VCP: variants seen among roughly 807,000 people sequenced by gnomAD.
VCP encodes the protein transitional endoplasmic reticulum ATPase.
In VCP, 6 loss-of-function variants were observed where a neutral mutation model predicts 85.7. The ratio of observed to expected loss-of-function variants is 0.07; its 90% CI spans 0.04 to 0.14. VCP has a LOEUF of 0.14. VCP is among the 10% of genes least tolerant of loss of function. VCP has a pLI of 1.00. For missense variants in VCP, 353 were observed against 1,043.4 expected (o/e 0.34, Z 9.12); for synonymous variants, 384 against 367.1 (o/e 1.05, Z -0.53).
intron 6 of VCP, 57 bp downstream of exon 6, chr9:35,064,097 G>A (rs1475834281): frequency 2.8e-5 from 45 of 1,611,070 alleles, no homozygotes; most frequent in Non-Finnish European, 3.7e-5. Flanking sequence ...TAGACATTGG[G>A]ACAGGATTAG....
Position 35,059,821 on chromosome 9 carries a change from A to C in VCP, c.1696-20T>G, listed in dbSNP as rs1284105390. 3 of 1,614,092 alleles carry C rather than the reference A, an allele frequency of 1.9e-6. No homozygotes were observed. The highest frequency in any genetic ancestry group is 1.7e-5 in the Admixed American group (1 of 60,014). On this transcript the variant is annotated intron_variant, in intron 13 of 16. Coordinates refer to ENST00000358901, the MANE Select transcript of VCP (RefSeq NM_007126.5). The surrounding 1 kb of genome is among the most constrained non-coding windows in gnomAD (Gnocchi z 4.9). ...GCGGGCCTGTAGGAGGAATGGATTG[A>C]TTCAAGCACTAACAAAACTAGATGT... is the stretch of plus-strand genomic sequence containing the variant.
In VCP at chr9:35,063,084, TG is replaced by T; in HGVS notation, c.709-5del. The T allele has an allele frequency of 3.1e-6, 5 of 1,613,998 alleles. No individual in the cohort carries two copies. The highest frequency in any genetic ancestry group is 2.5e-6 in the Non-Finnish European group (3 of 1,179,950). On this transcript the variant is annotated splice_polypyrimidine_tract_variant and splice_region_variant and intron_variant, in intron 6 of 16. Coordinates refer to ENST00000358901, the MANE Select transcript of VCP (RefSeq NM_007126.5). ...AAAGCAGGATTCCTCTAGGAGGCTG[TG>T]GACCAATGCAGAGTGTGATTAGGTT...
chr9:35,059,944 GCAA>G lies in VCP; in HGVS notation c.1696-146_1696-144del. 1 of 1,003,538 alleles carries G rather than the reference GCAA, an allele frequency of 1.0e-6. No individual in the cohort carries two copies. Among genetic ancestry groups the G allele is most frequent in the Non-Finnish European group, 1.5e-6 (1 of 667,244 alleles). The allele number at this position is 1,003,538 out of a possible 1,614,324, so 62.2% of individuals were successfully genotyped here. On this transcript the variant is annotated intron_variant, in intron 13 of 16. Transcript: ENST00000358901. This position sits in a 1 kb window ranked among gnomAD's most constrained non-coding sequence, Gnocchi z 4.9. ...GGCCAGAAATCCGAAACCAGCATGGGCAACATACTGAGACTTTGTCTCTACAAA... is the reference window on the plus strand; with the variant it reads ...GGCCAGAAATCCGAAACCAGCATGGGCATACTGAGACTTTGTCTCTACAAA...
At chr9:35,064,411 C>G in intron 5 of VCP, 126 bp from the exon 6 acceptor site, 2 of 1,260,912 alleles carry the variant, frequency 1.6e-6, no homozygotes, top group Non-Finnish European at 2.2e-6. Context: ...CTCAACCCGG[C>G]ATGGTGGCTC....
intron 9 of VCP, 122 bp downstream of exon 9, chr9:35,061,881 T>C: frequency 1.3e-6 from 2 of 1,563,202 alleles, no homozygotes; most frequent in Non-Finnish European, 1.7e-6. Flanking sequence ...GGACGTAGGG[T>C]AAAGGAAAAA....
intron 4 of VCP, among the ~76,000 whole-genome samples, chr9:35,065,713 C>T (rs1348025411): frequency 6.6e-6 from 1 of 152,058 alleles, no homozygotes; most frequent in African/African-American, 2.4e-5. Flanking sequence ...CCTGACCCAG[C>T]CAAAATGGAC....
intron 1 of VCP, chr9:35,071,909 C>T: frequency 1.0e-6 from 1 of 1,003,086 alleles, no homozygotes; most frequent in Non-Finnish European, 1.2e-6. Flanking sequence ...GCTGGGGCCT[C>T]GGGCTCGCGG....
chr9:35,068,530 A>G (rs1292506101), intron 1 of VCP, among the ~76,000 whole-genome samples, 168 bp from the exon 2 acceptor site: 3 of 152,226 alleles, frequency 2.0e-5, no homozygotes, highest in African/African-American at 7.2e-5. Context: ...TCTACCATAC[A>G]TATTACAATA....
chr9:35,062,486 T>A (rs1365333107), intron 7 of VCP, 136 bp from the exon 8 acceptor site: 2 of 1,361,544 alleles, frequency 1.5e-6, no homozygotes, highest in African/African-American at 1.4e-5. Context: ...ACTTCTCACA[T>A]CCTCTACCAG....
chr9:35,068,916 T>C (rs947521257), intron 1 of VCP, among the ~76,000 whole-genome samples: 1 of 152,176 alleles, frequency 6.6e-6, no homozygotes, highest in East Asian at 1.9e-4. Flanking sequence ...ACCTGGCACA[T>C]GGTATTAATG....
At position 35,059,257 on chromosome 9, in the gene VCP, C is replaced by T; in HGVS notation, c.2005-38G>A. The T allele has an allele frequency of 6.2e-7, 1 of 1,613,390 alleles. No individual in the cohort carries two copies. Among genetic ancestry groups the T allele is most frequent in the Non-Finnish European group, 8.5e-7 (1 of 1,179,706 alleles). ...GCAGAGGTACCTTAGCATTTAGCCT[C>T]TCCTCTCGAGATACGCAGATCTTTG... On this transcript the variant is annotated intron_variant, in intron 14 of 16. Coordinates refer to ENST00000358901, the MANE Select transcript of VCP (RefSeq NM_007126.5). This position sits in a 1 kb window ranked among gnomAD's most constrained non-coding sequence, Gnocchi z 4.9.
At chr9:35,061,809 G>C in intron 9 of VCP, 120 bp from the exon 10 acceptor site, 2 of 1,395,818 alleles carry the variant, frequency 1.4e-6, no homozygotes, top group Non-Finnish European at 2.0e-6. Flanking sequence ...CACTAAAAAA[G>C]TCTCAAGCTC....
At chr9:35,072,062 A>G in intron 1 of VCP, 1 of 1,266,440 alleles carries the variant, frequency 7.9e-7, no homozygotes. Context: ...AAGGGAGCCA[A>G]TCGGGCGGGC....
rs900221571 is a variant in VCP at position 35,059,205 on chromosome 9, C to T, written c.2019G>A (p.Glu673=). The T allele has an allele frequency of 1.9e-6, 3 of 1,614,084 alleles. No homozygotes were observed. In the African/African-American group the frequency reaches 4.0e-5, roughly 22 times the overall value. Residue 673 remains glutamate, a synonymous_variant, in exon 15 of 17, where the codon GAG becomes GAA. Transcript: ENST00000358901. This position sits in a 1 kb window ranked among gnomAD's most constrained non-coding sequence, Gnocchi z 4.9. ...KSPVAKDVDL[E]FLAKMTNGFS... Reference sequence around the variant, plus strand: ...AGCCATTAGTCATTTTAGCCAGGAACTCCAAGTCCACATCCTAAAAGCAGC... The same window carrying T: ...AGCCATTAGTCATTTTAGCCAGGAATTCCAAGTCCACATCCTAAAAGCAGC...
At chr9:35,067,749 GCATAAGTCTTCC>G in intron 3 of VCP, 130 bp downstream of exon 3, 2 of 1,107,942 alleles carry the variant, frequency 1.8e-6, no homozygotes, top group Non-Finnish European at 2.7e-6. Flanking sequence ...CAACCCTGAA[GCATAAGTCTTCC>G]CATGACCAGG....
intron 15 of VCP, 130 bp from the exon 16 acceptor site, chr9:35,057,660 A>G (rs539064896): frequency 7.9e-6 from 10 of 1,268,918 alleles, no homozygotes; most frequent in African/African-American, 2.9e-5. Context: ...ATGCTAGGCC[A>G]TGCTTCCTAA....
Position 35,066,835 on chromosome 9 carries a change from ACTC to A in VCP, c.303-21_303-19del, listed in dbSNP as rs571628729. The A allele has an allele frequency of 7.7e-5, 124 of 1,613,724 alleles. No homozygotes were observed. Among genetic ancestry groups the A allele is most frequent in the Non-Finnish European group, 1.0e-4 (120 of 1,180,020 alleles). ...GCTGGATGCTGAGGATGACAAGCAG[ACTC>A]CATATTACCAACCACACTTCGGGCC... is the stretch of plus-strand genomic sequence containing the variant. On this transcript the variant is annotated intron_variant, in intron 3 of 16. Coordinates refer to ENST00000358901, the MANE Select transcript of VCP (RefSeq NM_007126.5).
intron 13 of VCP, among the ~76,000 whole-genome samples, chr9:35,060,066 G>C (rs1411408343): frequency 6.6e-6 from 1 of 152,090 alleles, no homozygotes; most frequent in African/African-American, 2.4e-5. Context: ...CAGGTTTCAA[G>C]GTTACAGTGA....
chr9:35,072,073 CG>C, intron 1 of VCP: 1 of 1,286,402 alleles, frequency 7.8e-7, no homozygotes, highest in Non-Finnish European at 9.8e-7. Context: ...TCGGGCGGGC[CG>C]GGGCCTGCAT....
Sources: gnomAD v4.1 joint callset for allele counts (sites outside exome capture counted in the v4.1 genomes callset) on GRCh38, gnomAD v4.1.1 for gene constraint, Gnocchi (gnomAD v3.1) non-coding constraint, MANE v1.5 for transcripts, NCBI Gene and HGNC (gene_info 2026-07-23, HGNC 2026-07-21) for gene names.